The following GPR89B variants were observed in gnomAD, a reference collection of about 807,000 sequenced individuals.
The protein encoded by GPR89B is golgi pH regulator B, also known as G protein-coupled receptor 89B.
Under a neutral mutation model 52.4 loss-of-function variants are expected in GPR89B, and 25 were observed. The observed-to-expected ratio is 0.48, with a 90% confidence interval of 0.35 to 0.67. GPR89B has a LOEUF of 0.67. Ranked by LOEUF, GPR89B falls within the 30% of genes least tolerant of loss-of-function variation. The probability of loss-of-function intolerance (pLI) is 0.01; values close to 1 mark genes in which losing one functional copy is unlikely to be tolerated. For synonymous variants in GPR89B, 52 were observed against 151.2 expected (o/e 0.34, Z 4.81); for missense variants, 146 against 450.2 (o/e 0.32, Z 6.11).
Position 147,980,836 on chromosome 1 carries a change from A to AG in GPR89B, c.910-5363_910-5362insG, listed in dbSNP as rs1308480053. On this transcript the variant is annotated intron_variant, in intron 10 of 13. Transcript: ENST00000314163. ...TCCGTCTCAAAAAAAAAAAAAAAAA[A>AG]AAAAAAAAAAGAAATTCCATACTCA... is the stretch of plus-strand genomic sequence containing the variant. Among the ~76,000 whole-genome samples the AG allele has an allele frequency of 3.3e-4, 49 of 149,152 alleles. 1 individual carries two copies. Among genetic ancestry groups the AG allele is most frequent in the African/African-American group, 1.2e-3 (48 of 40,076 alleles).
chr1:147,932,301 C>G (rs1161534675), intron 1 of GPR89B, among the ~76,000 whole-genome samples: 1 of 151,976 alleles, frequency 6.6e-6, no homozygotes, highest in Non-Finnish European at 1.5e-5. Flanking sequence ...GATCTAGATG[C>G]TTGGATCCAA....
chr1:147,958,682 T>A (rs2149065237), intron 7 of GPR89B, among the ~76,000 whole-genome samples: 1 of 152,044 alleles, frequency 6.6e-6, no homozygotes, highest in African/African-American at 2.4e-5. Flanking sequence ...CAAGTGTGGA[T>A]ACATACTTTT....
chr1:147,980,565 T>C (rs1307737306), intron 10 of GPR89B, among the ~76,000 whole-genome samples: 8 of 139,878 alleles, frequency 5.7e-5, no homozygotes, highest in African/African-American at 2.2e-4. Flanking sequence ...GAGATATAAT[T>C]CACATACAAT....
rs1657223116 is a variant in GPR89B, at chr1:147,968,860, C to T, written c.728-15C>T. ...TTCCTATGTGATTAAAACCTTGATG[C>T]CCATTCTGTGCCAGATCTTACTCTT... On this transcript the variant is annotated splice_polypyrimidine_tract_variant and intron_variant, in intron 8 of 13. Coordinates refer to ENST00000314163, the MANE Select transcript of GPR89B (RefSeq NM_016334.5). 9.3e-6 allele frequency: 15 copies of T among 1,612,336 alleles called. No individual in the cohort carries two copies. In the Admixed American group the frequency reaches 2.5e-4, roughly 27 times the overall value.
intron 2 of GPR89B, among the ~76,000 whole-genome samples, chr1:147,937,243 T>A (rs1486822101): frequency 1.3e-5 from 2 of 151,394 alleles, no homozygotes; most frequent in African/African-American, 4.9e-5. Context: ...AACCAGCAAG[T>A]TTTTATTAGG....
At chr1:148,016,810 C>T in the GPR89B span, among the ~76,000 whole-genome samples, 1 of 151,152 alleles carries the variant, frequency 6.6e-6, no homozygotes, top group South Asian at 2.1e-4. Context: ...TAAATTAGGC[C>T]TCTTAAATCT....
At chr1:147,998,761 G>C in the GPR89B span, among the ~76,000 whole-genome samples, 1 of 151,466 alleles carries the variant, frequency 6.6e-6, no homozygotes, top group South Asian at 2.1e-4. Context: ...CACACCTGTA[G>C]TCCCAGCTAC....
At chr1:147,937,678 C>G (rs1313403800) in intron 2 of GPR89B, among the ~76,000 whole-genome samples, 2 of 152,182 alleles carry the variant, frequency 1.3e-5, no homozygotes, top group African/African-American at 4.8e-5. Context: ...TGACTCTATT[C>G]TGCCCAACCC....
chr1:147,970,255 G>A (rs1657316540), intron 10 of GPR89B, among the ~76,000 whole-genome samples: 1 of 151,812 alleles, frequency 6.6e-6, no homozygotes, highest in Non-Finnish European at 1.5e-5. Flanking sequence ...CAGCACTTTC[G>A]GAGGCCAAGG....
the GPR89B span, among the ~76,000 whole-genome samples, chr1:148,018,333 G>A: frequency 6.9e-6 from 1 of 145,610 alleles, no homozygotes; most frequent in Non-Finnish European, 1.5e-5. Flanking sequence ...GCAGGAGAAT[G>A]GCATGAACCT....
intron 12 of GPR89B, among the ~76,000 whole-genome samples, chr1:147,991,362 G>C (rs1659054748): frequency 6.6e-6 from 1 of 152,082 alleles, no homozygotes; most frequent in Non-Finnish European, 1.5e-5. Flanking sequence ...AGACGATGGG[G>C]TTTTCTATAT....
the GPR89B span, among the ~76,000 whole-genome samples, chr1:148,005,108 A>G: frequency 1.6e-3 from 64 of 40,390 alleles, no homozygotes; most frequent in Non-Finnish European, 2.7e-3. Flanking sequence ...GGGGCTCCCA[A>G]TCAGATACAA....
At chr1:147,950,133 C>T (rs1278235586) in intron 5 of GPR89B, among the ~76,000 whole-genome samples, 4 of 149,298 alleles carry the variant, frequency 2.7e-5, no homozygotes, top group East Asian at 2.0e-4. Flanking sequence ...CCTCACTTCC[C>T]AGACGGGGTG....
chr1:147,997,914 G>A (rs1659354485), downstream of GPR89B, among the ~76,000 whole-genome samples: 1 of 152,102 alleles, frequency 6.6e-6, no homozygotes, highest in Non-Finnish European at 1.5e-5. Context: ...TATTTATTTT[G>A]CTATGTATTG....
the GPR89B span, among the ~76,000 whole-genome samples, chr1:148,023,890 C>CT: frequency 6.8e-6 from 1 of 147,586 alleles, no homozygotes; most frequent in Non-Finnish European, 1.5e-5. Context: ...TGTAGGTGGT[C>CT]TGTTGACCCT....
the GPR89B span, chr1:148,005,610 T>G: frequency 1.7e-6 from 2 of 1,170,054 alleles, no homozygotes; most frequent in African/African-American, 3.1e-5. Flanking sequence ...GTCCTGTGAT[T>G]GCCTCCCGAT....
At chr1:147,994,688 T>C (rs1175497273), downstream of GPR89B, among the ~76,000 whole-genome samples, 1 of 152,194 alleles carries the variant, frequency 6.6e-6, no homozygotes, top group African/African-American at 2.4e-5. Flanking sequence ...TGTATAAGAC[T>C]AGGATATTGA....
chr1:147,989,685 G>C (rs1658916917), intron 12 of GPR89B, among the ~76,000 whole-genome samples: 1 of 151,908 alleles, frequency 6.6e-6, no homozygotes, highest in African/African-American at 2.4e-5. Context: ...TGCAGTGTTT[G>C]GCTTTTTGTC....
chr1:148,013,405 T>G, the GPR89B span, among the ~76,000 whole-genome samples: 1 of 152,128 alleles, frequency 6.6e-6, no homozygotes, highest in Non-Finnish European at 1.5e-5. Context: ...CGCATCGTCC[T>G]CGAGCATTTC....
Sources: allele counts gnomAD v4.1 joint callset (sites outside exome capture counted in the v4.1 genomes callset), GRCh38; gene constraint gnomAD v4.1.1; transcripts MANE v1.5; gene names NCBI Gene and HGNC (gene_info 2026-07-23, HGNC 2026-07-21).